PRKCA: variants seen among roughly 807,000 people sequenced by gnomAD.
The protein encoded by PRKCA is protein kinase C alpha, also known as protein kinase C alpha type.
A neutral mutation model predicts 87.0 loss-of-function variants in PRKCA; 27 were observed. The observed-to-expected ratio is 0.31, with a 90% CI of 0.23 to 0.43. The LOEUF (loss-of-function observed/expected upper bound fraction) is 0.43, where lower values mean the gene tolerates loss of function less well. Among genes scored for constraint, PRKCA ranks in the 20% least tolerant of loss-of-function variants. The probability of loss-of-function intolerance (pLI) is 1.00; values close to 1 mark genes in which losing one functional copy is unlikely to be tolerated. For missense variants in PRKCA, 518 were observed against 852.3 expected, an observed-to-expected ratio of 0.61 and a Z score of 4.88; for synonymous variants, 329 against 311.1, an observed-to-expected ratio of 1.06 and a Z score of -0.61.
At chr17:66,603,211 G>T (rs756159107) in intron 3 of PRKCA, among the ~76,000 whole-genome samples, 4 of 152,186 alleles carry the variant, frequency 2.6e-5, no homozygotes, top group Non-Finnish European at 4.4e-5. Flanking sequence ...TGGAGGCCCA[G>T]GGCCAGTGCT....
chr17:66,394,771 C>G (rs1910562931), intron 2 of PRKCA, among the ~76,000 whole-genome samples: 1 of 152,126 alleles, frequency 6.6e-6, no homozygotes, highest in Non-Finnish European at 1.5e-5. Flanking sequence ...TGAGTTCTCA[C>G]GAGATCTGAT....
At chr17:66,552,682 G>A (rs1968376424) in intron 3 of PRKCA, among the ~76,000 whole-genome samples, 1 of 152,186 alleles carries the variant, frequency 6.6e-6, no homozygotes, top group Non-Finnish European at 1.5e-5. Flanking sequence ...TCGCAGTCAT[G>A]GTCTTTTATA....
At chr17:66,727,187 G>A (rs1218127261) in intron 8 of PRKCA, among the ~76,000 whole-genome samples, 2 of 118,812 alleles carry the variant, frequency 1.7e-5, no homozygotes, top group African/African-American at 3.3e-5. Flanking sequence ...ATTCAAGGAT[G>A]AGTCAGAAAA....
chr17:66,344,286 C>T (rs1262766683), intron 2 of PRKCA, among the ~76,000 whole-genome samples: 6 of 152,154 alleles, frequency 3.9e-5, no homozygotes, highest in Non-Finnish European at 5.9e-5. Context: ...ATTCCTTTAG[C>T]GGTAATTGTG....
intron 2 of PRKCA, among the ~76,000 whole-genome samples, chr17:66,329,141 G>A (rs1016199155): frequency 7.2e-5 from 11 of 152,182 alleles, no homozygotes; most frequent in Non-Finnish European, 1.2e-4. Flanking sequence ...CAGAGATGTG[G>A]TGGAGGACAA....
At chr17:66,591,406 A>C (rs149441505) in intron 3 of PRKCA, among the ~76,000 whole-genome samples, 131 of 151,420 alleles carry the variant, frequency 8.7e-4, no homozygotes, top group Non-Finnish European at 1.5e-3. Flanking sequence ...TGATCCTCCC[A>C]CTTTGGTCTC....
At chr17:66,754,075 A>G (rs1471441850) in intron 13 of PRKCA, among the ~76,000 whole-genome samples, 1 of 151,988 alleles carries the variant, frequency 6.6e-6, no homozygotes, top group African/African-American at 2.4e-5. Flanking sequence ...AGTCTTAGTT[A>G]TTCTTGTCCC....
chr17:66,605,267 C>T (rs1188982049), intron 3 of PRKCA, among the ~76,000 whole-genome samples: 1 of 152,178 alleles, frequency 6.6e-6, no homozygotes, highest in East Asian at 1.9e-4. Flanking sequence ...GTTTAGAATT[C>T]CCTCTGGTCA....
chr17:66,680,568 A>T (rs550975942), intron 5 of PRKCA, among the ~76,000 whole-genome samples: 4 of 152,236 alleles, frequency 2.6e-5, no homozygotes, highest in African/African-American at 7.2e-5. Flanking sequence ...TTTATGCATT[A>T]CTAAACAGTG....
intron 2 of PRKCA, among the ~76,000 whole-genome samples, chr17:66,310,338 C>G (rs1271598853): frequency 2.0e-5 from 3 of 151,880 alleles, no homozygotes; most frequent in Non-Finnish European, 2.9e-5. Context: ...GTAACCATGA[C>G]CAACAGGAGC....
chr17:66,643,937 T>C (rs1164100318), intron 4 of PRKCA, among the ~76,000 whole-genome samples: 24 of 152,204 alleles, frequency 1.6e-4, no homozygotes, highest in Non-Finnish European at 2.9e-5. Context: ...TCCCAAGATA[T>C]ACAGCAGAGA....
chr17:66,726,701 C>T (rs865995843), intron 8 of PRKCA, among the ~76,000 whole-genome samples: 16 of 149,912 alleles, frequency 1.1e-4, no homozygotes, highest in African/African-American at 3.9e-4. Flanking sequence ...TGTGGGAAGC[C>T]GGTGAATCCA....
intron 3 of PRKCA, among the ~76,000 whole-genome samples, chr17:66,559,089 G>A (rs1244655122): frequency 6.6e-6 from 1 of 152,144 alleles, no homozygotes; most frequent in Admixed American, 6.5e-5. Flanking sequence ...TTGAATCTGT[G>A]ACAGCTCTTG....
At chr17:66,522,294 T>C (rs1967187059) in intron 3 of PRKCA, among the ~76,000 whole-genome samples, 1 of 152,246 alleles carries the variant, frequency 6.6e-6, no homozygotes, top group South Asian at 2.1e-4. Context: ...CAGTGTTTTA[T>C]AATGCCCACT....
chr17:66,442,378 C>G (rs1456261268), intron 2 of PRKCA, among the ~76,000 whole-genome samples: 2 of 151,996 alleles, frequency 1.3e-5, no homozygotes, highest in Middle Eastern at 3.2e-3. Flanking sequence ...ATGTTACAGT[C>G]CCCCAGCTCC....
At chr17:66,520,649 C>T (rs1339785062) in intron 3 of PRKCA, among the ~76,000 whole-genome samples, 1 of 151,228 alleles carries the variant, frequency 6.6e-6, no homozygotes, top group Non-Finnish European at 1.5e-5. Context: ...CAGTTAGCAA[C>T]CATTTTTCCC....
At chr17:66,738,992 C>T (rs1269496429) in intron 11 of PRKCA, 137 bp downstream of exon 11, 7 of 652,344 alleles carry the variant, frequency 1.1e-5, no homozygotes, top group Non-Finnish European at 1.9e-5. Context: ...GGGTGATTCT[C>T]CCACCTCAGC....
rs537187877 is a variant in PRKCA at position 66,715,807 on chromosome 17, C to T, written c.919-16881C>T. ...CATCTTGCCCCATTTACTGGGACTTCACCTCGGTAAGGCAGACTAGTGAAT... is the reference window on the plus strand; with the variant it reads ...CATCTTGCCCCATTTACTGGGACTTTACCTCGGTAAGGCAGACTAGTGAAT... On this transcript the variant is annotated intron_variant, in intron 8 of 16. Coordinates refer to ENST00000413366, the MANE Select transcript of PRKCA (RefSeq NM_002737.3). Among the ~76,000 whole-genome samples, 190 of 152,166 alleles carry T rather than the reference C, an allele frequency of 1.2e-3. 1 individual carries two copies. Among genetic ancestry groups the T allele is most frequent in the Admixed American group, 3.1e-3 (48 of 15,284 alleles).
At chr17:66,777,805 T>A (rs748792648) in intron 14 of PRKCA, 16 of 985,112 alleles carry the variant, frequency 1.6e-5, no homozygotes, top group Non-Finnish European at 1.9e-5. Context: ...TTACAAGAGG[T>A]CACGTGAGTA....
Sources: allele counts gnomAD v4.1 joint callset (sites outside exome capture counted in the v4.1 genomes callset), GRCh38; gene constraint gnomAD v4.1.1; transcripts MANE v1.5; gene names NCBI Gene and HGNC (gene_info 2026-07-23, HGNC 2026-07-21).